The following VWA8 variants were observed in gnomAD, a reference collection of about 807,000 sequenced individuals.
The protein encoded by VWA8 is von Willebrand factor A domain containing 8, also known as von Willebrand factor A domain-containing protein 8.
In VWA8, 221 loss-of-function variants were observed where a neutral mutation model predicts 241.5. That is an observed-to-expected ratio of 0.91 (90% CI 0.82 to 1.02). The LOEUF is 1.02. VWA8 is among the 50% of genes least tolerant of loss of function. The pLI is 0.00. For missense variants in VWA8, 2,322 were observed against 2,328.7 expected, an observed-to-expected ratio of 1.00 and a Z score of 0.06; for synonymous variants, 852 against 827.1, an observed-to-expected ratio of 1.03 and a Z score of -0.52.
intron 37 of VWA8, among the ~76,000 whole-genome samples, chr13:41,624,721 T>C (rs2044678008): frequency 6.6e-6 from 1 of 152,196 alleles, no homozygotes; most frequent in Non-Finnish European, 1.5e-5. Flanking sequence ...AACATCATAC[T>C]GAATGGGCAA....
intron 12 of VWA8, among the ~76,000 whole-genome samples, chr13:41,858,767 G>A (rs1316173672): frequency 1.3e-5 from 2 of 152,094 alleles, no homozygotes. Context: ...TATAATTAAA[G>A]AAATCTGTAG....
chr13:41,745,830 C>T (rs902578834), intron 21 of VWA8, among the ~76,000 whole-genome samples: 2 of 152,000 alleles, frequency 1.3e-5, no homozygotes, highest in Non-Finnish European at 2.9e-5. Context: ...ACTAGAAATA[C>T]CATTTGACCC....
chr13:41,805,562 C>T (rs950998582), intron 17 of VWA8, among the ~76,000 whole-genome samples: 4 of 151,964 alleles, frequency 2.6e-5, no homozygotes, highest in African/African-American at 4.8e-5. Flanking sequence ...GCCTGTAATC[C>T]CAGCACTTTG....
chr13:41,619,039 C>G (rs1469324556), intron 37 of VWA8, among the ~76,000 whole-genome samples: 1 of 152,150 alleles, frequency 6.6e-6, no homozygotes, highest in African/African-American at 2.4e-5. Context: ...ATGGGGATGG[C>G]ATTGAATCTG....
chr13:41,901,865 CAAAAAAAAAAAAAA>C (rs1167305999), intron 4 of VWA8, among the ~76,000 whole-genome samples: 4 of 24,680 alleles, frequency 1.6e-4, no homozygotes, highest in African/African-American at 5.8e-4. Context: ...GACTCCATCT[CAAAAAAAAAAAAAA>C]AAAAAAAAAA....
chr13:41,683,661 AG>A (rs1478181677), intron 35 of VWA8, among the ~76,000 whole-genome samples: 2 of 152,192 alleles, frequency 1.3e-5, no homozygotes, highest in South Asian at 4.1e-4. Flanking sequence ...GTAAAAGAGT[AG>A]GAGGGGAAAA....
intron 26 of VWA8, among the ~76,000 whole-genome samples, chr13:41,705,517 CAGA>C (rs555984007): frequency 2.2e-4 from 33 of 152,250 alleles, no homozygotes; most frequent in African/African-American, 4.8e-4. Flanking sequence ...AGAAAAATAA[CAGA>C]AGGAGATACA....
chr13:41,765,725 TATAC>T (rs746457584), intron 20 of VWA8, among the ~76,000 whole-genome samples: 2 of 152,228 alleles, frequency 1.3e-5, no homozygotes, highest in Non-Finnish European at 2.9e-5. Flanking sequence ...ATTTTGTTCC[TATAC>T]ATATTTATCT....
At chr13:41,735,084 G>A (rs932569132) in intron 21 of VWA8, among the ~76,000 whole-genome samples, 3 of 152,124 alleles carry the variant, frequency 2.0e-5, no homozygotes, top group African/African-American at 7.2e-5. Context: ...TATATTAATT[G>A]TTAATATTCT....
At chr13:41,677,157 G>A (rs1555317754) in intron 35 of VWA8, among the ~76,000 whole-genome samples, 1 of 152,142 alleles carries the variant, frequency 6.6e-6, no homozygotes, top group Non-Finnish European at 1.5e-5. Flanking sequence ...ATTATGATCA[G>A]CTCTCAGGAT....
chr13:41,737,151 T>G (rs1389846991), intron 21 of VWA8, among the ~76,000 whole-genome samples: 1 of 152,120 alleles, frequency 6.6e-6, no homozygotes, highest in Non-Finnish European at 1.5e-5. Context: ...CAAACAGAAG[T>G]TTAATTATGA....
chr13:41,679,349 T>C (rs979571018), intron 35 of VWA8, among the ~76,000 whole-genome samples: 6 of 152,160 alleles, frequency 3.9e-5, no homozygotes, highest in African/African-American at 1.4e-4. Context: ...ATTTAAAAAG[T>C]CACTCCTTCT....
chr13:41,847,871 C>T (rs967475852), intron 12 of VWA8, among the ~76,000 whole-genome samples: 1 of 152,174 alleles, frequency 6.6e-6, no homozygotes, highest in African/African-American at 2.4e-5. Context: ...TGGAATGCAA[C>T]ATACTCTAAC....
intron 16 of VWA8, 115 bp downstream of exon 16, chr13:41,816,583 A>G: frequency 3.1e-6 from 3 of 970,018 alleles, no homozygotes; most frequent in South Asian, 3.2e-5. Flanking sequence ...AGCATAAGGG[A>G]TTCCAAAAAA....
intron 12 of VWA8, among the ~76,000 whole-genome samples, chr13:41,863,214 C>T (rs1234212961): frequency 1.3e-5 from 2 of 151,380 alleles, no homozygotes; most frequent in Non-Finnish European, 2.9e-5. Context: ...ATCTTTCTCG[C>T]GTGCTGGATG....
At chr13:41,745,299 C>A (rs1162030903) in intron 21 of VWA8, among the ~76,000 whole-genome samples, 1 of 152,128 alleles carries the variant, frequency 6.6e-6, no homozygotes, top group African/African-American at 2.4e-5. Flanking sequence ...ATCCCCCCAC[C>A]CCATGACAGG....
intron 20 of VWA8, among the ~76,000 whole-genome samples, chr13:41,777,497 TG>T (rs1350746711): frequency 6.6e-6 from 1 of 151,832 alleles, no homozygotes; most frequent in Non-Finnish European, 1.5e-5. Flanking sequence ...AATAGAGGGG[TG>T]GGCAGAGAGT....
chr13:41,658,629 C>G (rs886973645), intron 37 of VWA8, among the ~76,000 whole-genome samples: 1 of 152,214 alleles, frequency 6.6e-6, no homozygotes, highest in African/African-American at 2.4e-5. Flanking sequence ...CCTCCACGTC[C>G]CATAGTCAGC....
chr13:41,857,910 G>A (rs1176946160), intron 12 of VWA8, among the ~76,000 whole-genome samples: 1 of 152,160 alleles, frequency 6.6e-6, no homozygotes, highest in African/African-American at 2.4e-5. Context: ...CAATATGGGT[G>A]GGCTTCATCT....
Sources: allele counts gnomAD v4.1 joint callset (sites outside exome capture counted in the v4.1 genomes callset), GRCh38; gene constraint gnomAD v4.1.1; transcripts MANE v1.5; gene names NCBI Gene and HGNC (gene_info 2026-07-23, HGNC 2026-07-21).